Variants in ENKUR observed in about 807,000 individuals in gnomAD.
ENKUR encodes the protein enkurin, TRPC channel interacting protein.
In ENKUR, 19 loss-of-function variants were observed where a neutral mutation model predicts 27.6. The observed-to-expected ratio is 0.69, with a 90% confidence interval of 0.48 to 1.01. The LOEUF (loss-of-function observed/expected upper bound fraction) is 1.01. ENKUR is among the 50% of genes least tolerant of loss of function. The pLI is 0.00. For missense variants in ENKUR, 312 were observed against 310.5 expected, an observed-to-expected ratio of 1.00 and a Z score of -0.04; for synonymous variants, 117 against 96.9, an observed-to-expected ratio of 1.21 and a Z score of -1.22.
chr10:25,047,403 G>A (rs4749000), intron 2 of ENKUR, among the ~76,000 whole-genome samples: 52,157 of 152,064 alleles, frequency 0.34, 9,224 homozygotes, highest in East Asian at 0.48. Context: ...TATTTTGGCT[G>A]AAGACTTCCT....
chr10:25,059,463 T>C (rs1038618947), intron 2 of ENKUR, among the ~76,000 whole-genome samples: 2 of 152,202 alleles, frequency 1.3e-5, no homozygotes, highest in Non-Finnish European at 2.9e-5. Context: ...AGTATTATAC[T>C]ATGTATGGAG....
chr10:25,039,930 A>G (rs955382244), intron 2 of ENKUR, among the ~76,000 whole-genome samples: 6 of 122,498 alleles, frequency 4.9e-5, no homozygotes, highest in African/African-American at 2.0e-4. Context: ...CCTAGAACTT[A>G]AAGTATTAAA....
chr10:25,054,526 CTTTCCTTT>C (rs1219110508), intron 2 of ENKUR, among the ~76,000 whole-genome samples: 9 of 130,184 alleles, frequency 6.9e-5, no homozygotes, highest in African/African-American at 1.2e-4. Flanking sequence ...TTCTTTCTTT[CTTTCCTTT>C]CTTTCTTTCT....
At chr10:25,025,261 A>G (rs1242856420) in intron 2 of ENKUR, 3 of 1,614,218 alleles carry the variant, frequency 1.9e-6, no homozygotes, top group East Asian at 4.5e-5. Context: ...GCAGGCTTTA[A>G]AGATTAAAGA....
chr10:25,002,851 C>T (rs1850219020), intron 1 of ENKUR, among the ~76,000 whole-genome samples: 1 of 151,798 alleles, frequency 6.6e-6, no homozygotes, highest in Non-Finnish European at 1.5e-5. Context: ...CAAATCTGTG[C>T]CTTAAAATGC....
intron 2 of ENKUR, among the ~76,000 whole-genome samples, chr10:24,998,467 T>C (rs1850116043): frequency 6.6e-6 from 1 of 151,826 alleles, no homozygotes; most frequent in African/African-American, 2.4e-5. Context: ...TTCGAACTCT[T>C]GGGCTCAAGC....
At chr10:25,024,078 A>C in intron 2 of ENKUR, 2 of 1,614,194 alleles carry the variant, frequency 1.2e-6, no homozygotes, top group Non-Finnish European at 1.7e-6. Context: ...GCCTAGTAGG[A>C]GCAACCTACG....
chr10:25,015,693 T>A (rs886329434), intron 1 of ENKUR, among the ~76,000 whole-genome samples, 167 bp downstream of exon 1: 1 of 152,230 alleles, frequency 6.6e-6, no homozygotes, highest in Non-Finnish European at 1.5e-5. Flanking sequence ...AGATGCTGAA[T>A]ACCTAGATAT....
intron 3 of ENKUR, among the ~76,000 whole-genome samples, chr10:24,990,993 G>A (rs1380382451): frequency 6.6e-6 from 1 of 152,150 alleles, no homozygotes; most frequent in Non-Finnish European, 1.5e-5. Flanking sequence ...CCAGCTATTC[G>A]GGTGGCTGAG....
At chr10:25,002,651 A>G (rs1850215638) in intron 1 of ENKUR, among the ~76,000 whole-genome samples, 1 of 152,180 alleles carries the variant, frequency 6.6e-6, no homozygotes, top group Admixed American at 6.5e-5. Context: ...GGTTGAAAGC[A>G]GTTCAGCTAT....
intron 1 of ENKUR, among the ~76,000 whole-genome samples, chr10:25,007,525 C>T (rs1304584232): frequency 6.6e-6 from 1 of 152,198 alleles, no homozygotes; most frequent in African/African-American, 2.4e-5. Flanking sequence ...AGCTCCGCCT[C>T]CCGGGTTCAC....
intron 2 of ENKUR, among the ~76,000 whole-genome samples, chr10:25,051,656 C>G (rs1335182307): frequency 6.6e-6 from 1 of 152,212 alleles, no homozygotes; most frequent in Non-Finnish European, 1.5e-5. Flanking sequence ...GCAATCCACC[C>G]CCATGACCCA....
At chr10:25,024,634 A>G (rs1363000864) in intron 2 of ENKUR, 7 of 1,614,126 alleles carry the variant, frequency 4.3e-6, no homozygotes, top group Non-Finnish European at 5.9e-6. Context: ...GGCTAACTCC[A>G]TAAACTGGGG....
chr10:24,995,687 G>T lies in ENKUR; in HGVS notation c.406C>A (p.Leu136Ile), dbSNP rs1375582438. 5.6e-6 allele frequency: 9 copies of T among 1,613,874 alleles called. No homozygotes were observed. In the African/African-American group the frequency reaches 1.2e-4, roughly 22 times the overall value. The change falls in exon 3 of 6, where the codon CTT becomes ATT. Residue 136 changes from leucine (L) to isoleucine (I), a missense_variant. Coordinates refer to ENST00000331161, the MANE Select transcript of ENKUR (RefSeq NM_145010.4). ...TTTGGAACTAGTCCTGAAGGCTCAAGATCATGCTTGTCTCCAGTTCTTTTA... is the reference window on the plus strand; with the variant it reads ...TTTGGAACTAGTCCTGAAGGCTCAATATCATGCTTGTCTCCAGTTCTTTTA... ...VDKRTGDKHDLEPSGLVPKYI... is the reference protein window; with the variant it reads ...VDKRTGDKHDIEPSGLVPKYI...
In ENKUR at chr10:24,999,110, T is replaced by A. The variant is rs552620534; in HGVS notation, c.223+291A>T. 2.0e-5 allele frequency among the ~76,000 whole-genome samples: 3 copies of A among 152,346 alleles called. No homozygotes were observed. The South Asian group carries it at 6.2e-4, about 32-fold the overall frequency. On this transcript the variant is annotated intron_variant, in intron 2 of 5. Coordinates refer to ENST00000331161, the MANE Select transcript of ENKUR (RefSeq NM_145010.4). ...GTCCCTGGGGTCTTGACTTTTCCTA[T>A]AATTGTTGTTTATAATTGAAGCCCC... is the stretch of plus-strand genomic sequence containing the variant.
At chr10:25,060,426 C>G (rs2130502569) in intron 2 of ENKUR, among the ~76,000 whole-genome samples, 1 of 152,298 alleles carries the variant, frequency 6.6e-6, no homozygotes, top group Admixed American at 6.5e-5. Context: ...CAGTTCTCAT[C>G]CTCAACAGGT....
At chr10:25,001,836 T>C (rs1042423699) in intron 1 of ENKUR, among the ~76,000 whole-genome samples, 1 of 152,206 alleles carries the variant, frequency 6.6e-6, no homozygotes, top group Non-Finnish European at 1.5e-5. Context: ...ATCTGTGTCA[T>C]TTCTGTGTCT....
In ENKUR at chr10:24,984,847, A is replaced by G. The variant is rs1274295745; in HGVS notation, c.653T>C (p.Ile218Thr). The change falls in exon 5 of 6, where the codon ATA becomes ACA. Residue 218 changes from isoleucine to threonine, a missense_variant. Physicochemically the swap from Ile to Thr is moderately conservative, Grantham distance 89. Transcript: ENST00000331161. ...GCGGATCTTCTTTGGTATAGAATCTATAAAGACCGAGAGGGACTGGAATTC... is the reference window on the plus strand; with the variant it reads ...GCGGATCTTCTTTGGTATAGAATCTGTAAAGACCGAGAGGGACTGGAATTC... ...HKEFQSLSVFIDSIPKKIRKQ... is the reference protein window; with the variant it reads ...HKEFQSLSVFTDSIPKKIRKQ... The G allele has an allele frequency of 5.0e-6, 8 of 1,613,704 alleles. No homozygotes were observed. Among genetic ancestry groups the G allele is most frequent in the South Asian group, 3.3e-5 (3 of 91,030 alleles).
intron 2 of ENKUR, among the ~76,000 whole-genome samples, chr10:25,054,547 CCTTTCTTT>C (rs371652077): frequency 1.0e-4 from 13 of 128,012 alleles, no homozygotes; most frequent in African/African-American, 2.9e-4. Context: ...TTCTTTCTTT[CCTTTCTTT>C]CTTTCTTTCT....
Sources: allele counts gnomAD v4.1 joint callset (sites outside exome capture counted in the v4.1 genomes callset), GRCh38; gene constraint gnomAD v4.1.1; transcripts MANE v1.5; gene names NCBI Gene and HGNC (gene_info 2026-07-23, HGNC 2026-07-21).